The following FKBP1A variants were observed in gnomAD, a reference collection of about 807,000 sequenced individuals.
The protein encoded by FKBP1A is peptidyl-prolyl cis-trans isomerase FKBP1A.
Under a neutral mutation model 14.2 loss-of-function variants are expected in FKBP1A, and 5 were observed. The ratio of observed to expected loss-of-function variants is 0.35; its 90% confidence interval spans 0.18 to 0.74. The LOEUF (loss-of-function observed/expected upper bound fraction) is 0.74. FKBP1A is among the 30% of genes least tolerant of loss of function. FKBP1A has a pLI of 0.56. For missense variants in FKBP1A, 53 were observed against 138.8 expected (o/e 0.38, Z 3.10); for synonymous variants, 42 against 49.1 (o/e 0.86, Z 0.60).
chr20:1,370,728 T>C (rs2089453010), intron 4 of FKBP1A: 1 of 985,200 alleles, frequency 1.0e-6, no homozygotes, highest in Non-Finnish European at 1.2e-6. Flanking sequence ...TTTATCCCTC[T>C]CTCCCCTCCC....
intron 2 of FKBP1A, among the ~76,000 whole-genome samples, chr20:1,385,331 A>G (rs2089658518): frequency 6.6e-6 from 1 of 152,174 alleles, no homozygotes; most frequent in East Asian, 1.9e-4. Flanking sequence ...CAGAGGTTGC[A>G]GTGAGCCGAG....
At chr20:1,384,247 A>G (rs2089647184) in intron 2 of FKBP1A, among the ~76,000 whole-genome samples, 1 of 152,188 alleles carries the variant, frequency 6.6e-6, no homozygotes, top group South Asian at 2.1e-4. Context: ...TAGTATGTAA[A>G]TCAATAAAAT....
Position 1,379,149 on chromosome 20 carries a change from G to A in FKBP1A, c.86-3546C>T, listed in dbSNP as rs895399314. ...ACACGGCTCTGACCTGTGCAAGATC[G>A]TATTTTGATTGCAGTGAAAGCCACA... On this transcript the variant is annotated intron_variant, in intron 2 of 4. Transcript: ENST00000400137. This position sits in a 1 kb window ranked among gnomAD's most constrained non-coding sequence, Gnocchi z 4.3. Among the ~76,000 whole-genome samples, 3 of 152,170 alleles carry A rather than the reference G, an allele frequency of 2.0e-5. No homozygotes were observed. The highest frequency in any genetic ancestry group is 2.9e-5 in the Non-Finnish European group (2 of 68,036).
At chr20:1,390,308 T>C (rs1039659961) in intron 2 of FKBP1A, among the ~76,000 whole-genome samples, 1 of 125,914 alleles carries the variant, frequency 7.9e-6, no homozygotes, top group African/African-American at 3.0e-5. Context: ...CCAAGAAATC[T>C]GAGCCAGATA....
chr20:1,374,090 T>G (rs2089506075), intron 3 of FKBP1A, among the ~76,000 whole-genome samples: 1 of 152,228 alleles, frequency 6.6e-6, no homozygotes, highest in Non-Finnish European at 1.5e-5. Flanking sequence ...TCTTTTCATC[T>G]TGGTTAAATT....
rs562910645 is a variant in FKBP1A, at chr20:1,373,553, T to C, written c.199-1313A>G. Among the ~76,000 whole-genome samples the C allele has an allele frequency of 3.9e-5, 6 of 152,304 alleles. No individual in the cohort carries two copies. The South Asian group carries it at 1.2e-3, about 32-fold the overall frequency. ...TGCTATGAAGAATTTAAAAGATATT[T>C]TATGTAGATCTCAAACTACCCAGAC... On this transcript the variant is annotated intron_variant, in intron 3 of 4. Transcript: ENST00000400137.
chr20:1,381,073 A>G (rs1466193460), intron 2 of FKBP1A, among the ~76,000 whole-genome samples: 1 of 152,240 alleles, frequency 6.6e-6, no homozygotes, highest in Non-Finnish European at 1.5e-5. Context: ...TCTTAGTATG[A>G]TGTCAAAAAG....
intron 3 of FKBP1A, 148 bp downstream of exon 3, chr20:1,375,343 G>A (rs2089525902): frequency 3.2e-6 from 2 of 631,070 alleles, no homozygotes; most frequent in Admixed American, 5.8e-5. Flanking sequence ...AACAACAGGA[G>A]CTTCTTGTGG....
At chr20:1,371,669 C>CTT in intron 4 of FKBP1A, 2 of 953,850 alleles carry the variant, frequency 2.1e-6, no homozygotes, top group Non-Finnish European at 2.5e-6. Context: ...ATCCAAAGGG[C>CTT]TTTTTTTTTC....
intron 3 of FKBP1A, chr20:1,373,318 A>G (rs1245031077): frequency 6.6e-6 from 1 of 152,362 alleles, no homozygotes; most frequent in East Asian, 1.9e-4. Context: ...GGGATTAGTC[A>G]TGAGAAATCA....
chr20:1,388,423 G>C (rs1190189581), intron 2 of FKBP1A, among the ~76,000 whole-genome samples: 1 of 152,194 alleles, frequency 6.6e-6, no homozygotes, highest in African/African-American at 2.4e-5. Context: ...TTTTAAAAAA[G>C]AGCAACACTT....
chr20:1,392,706 G>C (rs975830222), intron 2 of FKBP1A, 128 bp downstream of exon 2: 13 of 575,212 alleles, frequency 2.3e-5, no homozygotes, highest in South Asian at 1.1e-4. Flanking sequence ...CCTCAGCCTC[G>C]GGCCATGCGG....
chr20:1,372,049 G>C, intron 4 of FKBP1A, 27 bp downstream of exon 4: 9 of 1,603,004 alleles, frequency 5.6e-6, no homozygotes, highest in Non-Finnish European at 7.7e-6. Flanking sequence ...AGGCAGTGAA[G>C]GGCCCTTCAG....
rs1180089265 is a variant in FKBP1A at position 1,393,016 on chromosome 20, A to G, written c.-18T>C. Reference sequence around the variant, plus strand: ...ACTCCCATGGCGGCGGCGGACGCTGAGCGGGCGGGCGGCGCGACGGGCGGC... The same window carrying G: ...ACTCCCATGGCGGCGGCGGACGCTGGGCGGGCGGGCGGCGCGACGGGCGGC... On this transcript the variant is annotated 5_prime_UTR_variant, in exon 1 of 5. Coordinates refer to ENST00000400137, the MANE Select transcript of FKBP1A (RefSeq NM_000801.5). The G allele has an allele frequency of 2.7e-6, 4 of 1,458,516 alleles. No homozygotes were observed. Among genetic ancestry groups the G allele is most frequent in the Non-Finnish European group, 3.6e-6 (4 of 1,108,116 alleles). The allele number at this position is 1,458,516 out of a possible 1,614,324, so 90.3% of individuals were successfully genotyped here.
chr20:1,386,212 A>T lies in FKBP1A; in HGVS notation c.85+6622T>A, dbSNP rs1256760453. Among the ~76,000 whole-genome samples, 2 of 152,244 alleles carry T rather than the reference A, an allele frequency of 1.3e-5. No homozygotes were observed. The highest frequency in any genetic ancestry group is 3.8e-4 in the East Asian group (2 of 5,198). On this transcript the variant is annotated intron_variant, in intron 2 of 4. Coordinates refer to ENST00000400137, the MANE Select transcript of FKBP1A (RefSeq NM_000801.5). The surrounding 1 kb of genome is among the most constrained non-coding windows in gnomAD (Gnocchi z 4.7). ...GACTGCACCATACACACCCAAGACC[A>T]AATGGCACTTCCTCCAAGAAGTTCT...
intron 4 of FKBP1A, chr20:1,371,115 C>T: frequency 1.0e-6 from 1 of 985,430 alleles, no homozygotes; most frequent in Non-Finnish European, 1.2e-6. Context: ...CAAAAGTGTC[C>T]TCACCCAGGC....
chr20:1,379,321 C>A lies in FKBP1A; in HGVS notation c.86-3718G>T, dbSNP rs954036689. On this transcript the variant is annotated intron_variant, in intron 2 of 4. Transcript: ENST00000400137. This position sits in a 1 kb window ranked among gnomAD's most constrained non-coding sequence, Gnocchi z 4.3. ...AACTATCTATCTGACTGGTACCAGG[C>A]TAGGAGCACTAGGCAGGACACAGCC... Among the ~76,000 whole-genome samples, 1 of 152,160 alleles carries A rather than the reference C, an allele frequency of 6.6e-6. No individual in the cohort carries two copies. The highest frequency in any genetic ancestry group is 1.5e-5 in the Non-Finnish European group (1 of 68,026).
intron 2 of FKBP1A, 147 bp downstream of exon 2, chr20:1,392,687 C>A (rs965750713): frequency 2.1e-6 from 1 of 471,132 alleles, no homozygotes; most frequent in Non-Finnish European, 3.3e-6. Context: ...CCCTGAGCCA[C>A]CGCCCAGGCC....
Position 1,381,873 on chromosome 20 carries a change from T to C in FKBP1A, c.86-6270A>G, listed in dbSNP as rs188699151. Among the ~76,000 whole-genome samples, 189 of 152,116 alleles carry C rather than the reference T, an allele frequency of 1.2e-3. 1 individual carries two copies. Among genetic ancestry groups the C allele is most frequent in the Non-Finnish European group, 1.3e-3 (91 of 68,004 alleles). On this transcript the variant is annotated intron_variant, in intron 2 of 4. Coordinates refer to ENST00000400137, the MANE Select transcript of FKBP1A (RefSeq NM_000801.5). ...ATAAAACTTTAGAAAATGCAACAAA[T>C]CTACACTGACAAAAAAGCATATCAG...
Sources: gnomAD v4.1 joint callset for allele counts (sites outside exome capture counted in the v4.1 genomes callset) on GRCh38, gnomAD v4.1.1 for gene constraint, Gnocchi (gnomAD v3.1) non-coding constraint, MANE v1.5 for transcripts, NCBI Gene and HGNC (gene_info 2026-07-23, HGNC 2026-07-21) for gene names.